HSPA12A: variants seen among roughly 807,000 people sequenced by gnomAD.
HSPA12A encodes heat shock protein family A (Hsp70) member 12A.
HSPA12A carries 28 observed loss-of-function variants against 69.2 expected under a neutral mutation model. That is an observed-to-expected ratio of 0.40 (90% CI 0.30 to 0.55). The LOEUF is 0.55. Among genes scored for constraint, HSPA12A ranks in the 20% least tolerant of loss-of-function variants. HSPA12A has a pLI of 0.38. For missense variants in HSPA12A, 686 were observed against 900.7 expected (o/e 0.76, Z 3.05); for synonymous variants, 345 against 370.5 (o/e 0.93, Z 0.79).
intron 10 of HSPA12A, among the ~76,000 whole-genome samples, chr10:116,678,515 C>T (rs1324137317): frequency 7.1e-6 from 1 of 140,938 alleles, no homozygotes; most frequent in Non-Finnish European, 1.5e-5. Flanking sequence ...GGAACCTGTA[C>T]ATTAGTGGGA....
intron 2 of HSPA12A, among the ~76,000 whole-genome samples, chr10:116,779,371 A>G (rs1020846667): frequency 6.6e-6 from 1 of 152,334 alleles, no homozygotes; most frequent in East Asian, 1.9e-4. Context: ...CAATGGGGAC[A>G]GAATCACCCT....
In HSPA12A at chr10:116,681,836, A is replaced by T; in HGVS notation, c.877T>A (p.Leu293Met). The change falls in exon 8 of 12, where the codon TTG becomes ATG. Residue 293 changes from leucine to methionine, a missense_variant. Leu to Met is a conservative substitution (Grantham distance 15). Transcript: ENST00000369209. ...IRRNRQSRTF[L>M]VENVIGEIWS... ...ATTTCTCCTATGACATTCTCCACCAAAAAGGTCCGACTCTGCCGATTACGC... is the reference window on the plus strand; with the variant it reads ...ATTTCTCCTATGACATTCTCCACCATAAAGGTCCGACTCTGCCGATTACGC... 4 of 1,614,170 alleles carry T rather than the reference A, an allele frequency of 2.5e-6. No individual in the cohort carries two copies. Among genetic ancestry groups the T allele is most frequent in the Non-Finnish European group, 8.5e-7 (1 of 1,180,008 alleles).
At chr10:116,704,160 C>T (rs1019184187) in intron 3 of HSPA12A, among the ~76,000 whole-genome samples, 1 of 152,130 alleles carries the variant, frequency 6.6e-6, no homozygotes, top group African/African-American at 2.4e-5. Flanking sequence ...CACATGCACA[C>T]GTATGTTTAT....
At position 116,710,635 on chromosome 10, in the gene HSPA12A, C is replaced by T. The variant is rs1850394335; in HGVS notation, c.41-3350G>A. ...CCTAGAGGCAGCCGAACTTCATGGA[C>T]TTTTTCCATCAGAAGTTAAAATTCA... On this transcript the variant is annotated intron_variant, in intron 1 of 11. Coordinates refer to ENST00000369209, the MANE Select transcript of HSPA12A (RefSeq NM_025015.3). This position sits in a 1 kb window ranked among gnomAD's most constrained non-coding sequence, Gnocchi z 4.1. Among the ~76,000 whole-genome samples the T allele has an allele frequency of 6.6e-6, 1 of 152,192 alleles. No individual in the cohort carries two copies. The highest frequency in any genetic ancestry group is 1.5e-5 in the Non-Finnish European group (1 of 68,048).
chr10:116,820,716 G>A (rs988132084), intron 2 of HSPA12A, among the ~76,000 whole-genome samples: 1 of 151,852 alleles, frequency 6.6e-6, no homozygotes. Flanking sequence ...GATCTCTTCC[G>A]CTTTCTTGGT....
intron 1 of HSPA12A, among the ~76,000 whole-genome samples, chr10:116,722,592 T>G (rs782176023): frequency 6.6e-6 from 1 of 151,940 alleles, no homozygotes; most frequent in Non-Finnish European, 1.5e-5. Flanking sequence ...ATGTGAAACA[T>G]CCCCTGCACC....
upstream of HSPA12A, among the ~76,000 whole-genome samples, chr10:116,850,695 CAT>C (rs1181449742): frequency 6.6e-6 from 1 of 152,152 alleles, no homozygotes; most frequent in Non-Finnish European, 1.5e-5. Flanking sequence ...TTTTCCCACT[CAT>C]GGCCTATACT....
intron 5 of HSPA12A, among the ~76,000 whole-genome samples, chr10:116,697,784 A>C (rs1332859048): frequency 6.6e-6 from 1 of 152,100 alleles, no homozygotes; most frequent in African/African-American, 2.4e-5. Flanking sequence ...CCCATTACCT[A>C]ATTTCATCAC....
intron 1 of HSPA12A, among the ~76,000 whole-genome samples, chr10:116,842,819 T>G (rs1281817915): frequency 6.6e-6 from 1 of 152,112 alleles, no homozygotes; most frequent in Non-Finnish European, 1.5e-5. Context: ...TCCAGGCTGG[T>G]TTTGAACTCC....
chr10:116,819,070 G>A (rs1845361589), intron 2 of HSPA12A, among the ~76,000 whole-genome samples: 1 of 152,038 alleles, frequency 6.6e-6, no homozygotes, highest in African/African-American at 2.4e-5. Context: ...GCTCCACAAG[G>A]GAAACCCTTG....
At chr10:116,781,796 T>G (rs549173771) in intron 2 of HSPA12A, among the ~76,000 whole-genome samples, 15 of 152,244 alleles carry the variant, frequency 9.9e-5, no homozygotes, top group African/African-American at 3.6e-4. Context: ...GTAGGGGGTG[T>G]CCTCCTTGGG....
At position 116,813,218 on chromosome 10, in the gene HSPA12A, C is replaced by T. The variant is rs540111274; in HGVS notation, c.91+21717G>A. On this transcript the variant is annotated intron_variant, in intron 2 of 12. Coordinates refer to the HSPA12A transcript ENST00000635765. ...AGCCACCAGCTCCTACTTTATCTGC[C>T]GTTAAAGAAAGAGGCCATCCAGAGC... Among the ~76,000 whole-genome samples the T allele has an allele frequency of 8.4e-4, 124 of 147,646 alleles. 2 individuals are homozygous for T. The South Asian group carries it at 0.026, about 30-fold the overall frequency.
At chr10:116,728,398 A>G (rs1176976202) in intron 1 of HSPA12A, among the ~76,000 whole-genome samples, 1 of 152,234 alleles carries the variant, frequency 6.6e-6, no homozygotes, top group Non-Finnish European at 1.5e-5. Context: ...ACCTGGAGAC[A>G]GGATTTATTG....
At chr10:116,836,574 T>C (rs1489306207) in intron 1 of HSPA12A, among the ~76,000 whole-genome samples, 1 of 152,186 alleles carries the variant, frequency 6.6e-6, no homozygotes, top group Non-Finnish European at 1.5e-5. Context: ...GCTGAAAATG[T>C]CACAGCAATT....
At chr10:116,700,499 T>C (rs1460542309) in intron 4 of HSPA12A, among the ~76,000 whole-genome samples, 1 of 152,106 alleles carries the variant, frequency 6.6e-6, no homozygotes, top group Non-Finnish European at 1.5e-5. Context: ...TACTGGTTGT[T>C]ACATCCAAAC....
At chr10:116,784,058 A>G (rs1370322373) in intron 2 of HSPA12A, among the ~76,000 whole-genome samples, 1 of 152,220 alleles carries the variant, frequency 6.6e-6, no homozygotes, top group Non-Finnish European at 1.5e-5. Flanking sequence ...TATGTATCCA[A>G]AAGATCTCAC....
At chr10:116,789,161 C>T (rs2133149468) in intron 2 of HSPA12A, among the ~76,000 whole-genome samples, 1 of 152,262 alleles carries the variant, frequency 6.6e-6, no homozygotes, top group South Asian at 2.1e-4. Context: ...CCACCGCACC[C>T]AGCCACTATG....
rs1270885567 is a variant in HSPA12A at position 116,723,620 on chromosome 10, G to A, written c.41-16335C>T. ...AGGAAACTCCAGCACCGAGCTGGGTGAGGTTAGGTGCTCAGGAAGCATGGG... is the reference window on the plus strand; with the variant it reads ...AGGAAACTCCAGCACCGAGCTGGGTAAGGTTAGGTGCTCAGGAAGCATGGG... On this transcript the variant is annotated intron_variant, in intron 1 of 11. Coordinates refer to ENST00000369209, the MANE Select transcript of HSPA12A (RefSeq NM_025015.3). This position sits in a 1 kb window ranked among gnomAD's most constrained non-coding sequence, Gnocchi z 4.1. Among the ~76,000 whole-genome samples the A allele has an allele frequency of 6.6e-6, 1 of 152,210 alleles. No homozygotes were observed. Among genetic ancestry groups the A allele is most frequent in the African/African-American group, 2.4e-5 (1 of 41,446 alleles).
At chr10:116,690,801 CTT>C (rs111936724) in intron 6 of HSPA12A, among the ~76,000 whole-genome samples, 2 of 148,346 alleles carry the variant, frequency 1.3e-5, no homozygotes, top group African/African-American at 2.5e-5. Flanking sequence ...CTGCACCTCT[CTT>C]TTTTTTTTTC....
Sources: gnomAD v4.1 joint callset for allele counts (sites outside exome capture counted in the v4.1 genomes callset) on GRCh38, gnomAD v4.1.1 for gene constraint, Gnocchi (gnomAD v3.1) non-coding constraint, MANE v1.5 for transcripts, NCBI Gene and HGNC (gene_info 2026-07-23, HGNC 2026-07-21) for gene names.